The following ZC3H3 variants were observed in gnomAD, a reference collection of about 807,000 sequenced individuals.
ZC3H3 encodes the protein zinc finger CCCH-type containing 3, also known as zinc finger CCCH domain-containing protein 3.
In ZC3H3, 36 loss-of-function variants were observed where a neutral mutation model predicts 77.3. The observed-to-expected ratio is 0.47, with a 90% CI of 0.36 to 0.61. The LOEUF (loss-of-function observed/expected upper bound fraction) is 0.61. Among genes scored for constraint, ZC3H3 ranks in the 20% least tolerant of loss-of-function variants. The pLI is 0.00. For synonymous variants in ZC3H3, 626 were observed against 555.2 expected (o/e 1.13, Z -1.79); for missense variants, 1,331 against 1,312.2 (o/e 1.01, Z -0.22).
Position 143,494,146 on chromosome 8 carries a change from G to A in ZC3H3, c.1715+13600C>T, listed in dbSNP as rs1040418778. Among the ~76,000 whole-genome samples the A allele has an allele frequency of 3.5e-4, 54 of 152,198 alleles. No individual in the cohort carries two copies. The highest frequency in any genetic ancestry group is 1.2e-3 in the African/African-American group (51 of 41,440). On this transcript the variant is annotated intron_variant, in intron 4 of 11. Transcript: ENST00000262577. This position sits in a 1 kb window ranked among gnomAD's most constrained non-coding sequence, Gnocchi z 5.3. ...CCACAGGCCTCCCCAGGGCCAGGATGGGCCCCAAGACCCCACAGGCTGACC... is the reference window on the plus strand; with the variant it reads ...CCACAGGCCTCCCCAGGGCCAGGATAGGCCCCAAGACCCCACAGGCTGACC...
Position 143,523,330 on chromosome 8 carries a change from C to T in ZC3H3, c.1561+12927G>A, listed in dbSNP as rs139018406. ...AAACCAAGCTCACCTGCAGCGCCAG[C>T]GGCTCAGAGCCAGATGGGGGTCCCA... On this transcript the variant is annotated intron_variant, in intron 3 of 11. Transcript: ENST00000262577. 559 of 985,416 alleles carry T rather than the reference C, an allele frequency of 5.7e-4. 1 individual carries two copies. The African/African-American group carries it at 7.5e-3, about 13-fold the overall frequency. The allele number at this position is 985,416 out of a possible 1,614,324, so 61.0% of individuals were successfully genotyped here. A position where few individuals can be genotyped will look rare whatever the true frequency, so the allele number is the denominator to read the frequency against.
rs530690792 is a variant in ZC3H3, at chr8:143,467,632, C to A, written c.2175+577G>T. 8.3e-4 allele frequency among the ~76,000 whole-genome samples: 127 copies of A among 152,340 alleles called. 1 individual carries two copies. Among genetic ancestry groups the A allele is most frequent in the African/African-American group, 3.0e-3 (125 of 41,574 alleles). On this transcript the variant is annotated intron_variant, in intron 8 of 11. Coordinates refer to ENST00000262577, the MANE Select transcript of ZC3H3 (RefSeq NM_015117.3). ...CTGAGTCCGGGGCACAGGAGCTACA[C>A]ATGTCCCCCCCAGCCCCAGGGCTCT...
chr8:143,475,696 A>T, intron 4 of ZC3H3, 111 bp from the exon 5 acceptor site: 1 of 1,289,056 alleles, frequency 7.8e-7, no homozygotes, highest in Non-Finnish European at 1.0e-6. Flanking sequence ...GACAGGGAGC[A>T]GCACTTGCGG....
At chr8:143,438,806 AG>A (rs940723324) in intron 11 of ZC3H3, among the ~76,000 whole-genome samples, 1 of 152,140 alleles carries the variant, frequency 6.6e-6, no homozygotes, top group African/African-American at 2.4e-5. Context: ...GCCCCTCTTC[AG>A]GGCCGATGAG....
intron 4 of ZC3H3, among the ~76,000 whole-genome samples, chr8:143,486,698 C>G (rs1466262025): frequency 1.3e-5 from 2 of 152,000 alleles, no homozygotes. Context: ...CAAAACAGCA[C>G]CTGCTCCACA....
At chr8:143,529,329 T>C (rs578197446) in intron 3 of ZC3H3, among the ~76,000 whole-genome samples, 183 of 152,248 alleles carry the variant, frequency 1.2e-3, no homozygotes, top group African/African-American at 4.3e-3. Flanking sequence ...CCCATAAGCA[T>C]CTGTGGCCAA....
At chr8:143,463,109 G>C (rs1399146824) in intron 9 of ZC3H3, among the ~76,000 whole-genome samples, 1 of 151,664 alleles carries the variant, frequency 6.6e-6, no homozygotes, top group Non-Finnish European at 1.5e-5. Context: ...TCAGCCTCCC[G>C]AGTAGCTGGG....
intron 4 of ZC3H3, among the ~76,000 whole-genome samples, chr8:143,497,333 C>A (rs1230003314): frequency 6.6e-6 from 1 of 152,200 alleles, no homozygotes; most frequent in African/African-American, 2.4e-5. Context: ...CATCAAGCAG[C>A]ACCGCCTTCC....
Position 143,462,630 on chromosome 8 carries a change from G to A in ZC3H3, c.2307+3087C>T, listed in dbSNP as rs924897969. 6.6e-6 allele frequency among the ~76,000 whole-genome samples: 1 copy of A among 152,248 alleles called. No homozygotes were observed. The highest frequency in any genetic ancestry group is 6.5e-5 in the Admixed American group (1 of 15,286). The stretch of plus-strand genomic sequence containing the variant: ...GGAGCTGAAACCCAAGGCTCAGCCA[G>A]GGCCTTCCCTCTCCCGACAGCTCCC... On this transcript the variant is annotated intron_variant, in intron 9 of 11. Coordinates refer to ENST00000262577, the MANE Select transcript of ZC3H3 (RefSeq NM_015117.3). This position sits in a 1 kb window ranked among gnomAD's most constrained non-coding sequence, Gnocchi z 4.7.
rs1471227965 is a variant in ZC3H3 at position 143,533,109 on chromosome 8, C to T, written c.1561+3148G>A. Among the ~76,000 whole-genome samples the T allele has an allele frequency of 6.6e-6, 1 of 152,184 alleles. No homozygotes were observed. The highest frequency in any genetic ancestry group is 1.5e-5 in the Non-Finnish European group (1 of 68,042). ...GCCCCTCCCAGGGTCCTCCCCTGTC[C>T]CTCCCTGGCTTCCCAACGTAACCAG... On this transcript the variant is annotated intron_variant, in intron 3 of 11. Transcript: ENST00000262577. This position sits in a 1 kb window ranked among gnomAD's most constrained non-coding sequence, Gnocchi z 4.0.
Position 143,440,344 on chromosome 8 carries a change from G to T in ZC3H3, c.2512C>A (p.Arg838Ser). 1 of 1,529,540 alleles carries T rather than the reference G, an allele frequency of 6.5e-7. No homozygotes were observed. 94.7% of individuals were successfully genotyped at this position (1,529,540 alleles called of 1,614,324 possible). ...HGPRKPSASQ[R>S]PTRQTPSSAA... ...GAGCTGGGCGTCTGCCTGGTGGGGC[G>T]CTGGGATGCTGAAGGCTTCCTGCAG... Residue 838 changes from arginine to serine, a missense_variant, in exon 11 of 12, where the codon CGC becomes AGC. By Grantham distance (110) the Arg-to-Ser change is moderately radical. Transcript: ENST00000262577.
chr8:143,531,380 C>A (rs1586964854), intron 3 of ZC3H3, among the ~76,000 whole-genome samples: 2 of 152,228 alleles, frequency 1.3e-5, no homozygotes, highest in Admixed American at 6.5e-5. Context: ...GAATCCCCTG[C>A]CCCGCCCCCA....
At chr8:143,508,372 G>A (rs1821771989) in intron 3 of ZC3H3, among the ~76,000 whole-genome samples, 1 of 152,220 alleles carries the variant, frequency 6.6e-6, no homozygotes, top group Non-Finnish European at 1.5e-5. Flanking sequence ...CACAGGGGAG[G>A]GGCGCTGGAG....
Position 143,468,379 on chromosome 8 carries a change from C to T in ZC3H3, c.2105+3G>A, listed in dbSNP as rs767461583. On this transcript the variant is annotated splice_donor_region_variant and intron_variant, in intron 7 of 11. Coordinates refer to ENST00000262577, the MANE Select transcript of ZC3H3 (RefSeq NM_015117.3). ...CAGGCCCACAGCGAGGGCAGGAGGGCACCTGGTGCACACGGCCACCTTCTC... is the reference window on the plus strand; with the variant it reads ...CAGGCCCACAGCGAGGGCAGGAGGGTACCTGGTGCACACGGCCACCTTCTC... The T allele has an allele frequency of 1.2e-6, 2 of 1,612,574 alleles. No homozygotes were observed. The highest frequency in any genetic ancestry group is 2.2e-5 in the South Asian group (2 of 90,976).
chr8:143,500,331 C>T (rs1160910670), intron 4 of ZC3H3, among the ~76,000 whole-genome samples: 1 of 152,204 alleles, frequency 6.6e-6, no homozygotes, highest in Non-Finnish European at 1.5e-5. Context: ...CATCCAGTGC[C>T]GGGCACTCAA....
chr8:143,529,715 G>T (rs1218858263), intron 3 of ZC3H3, among the ~76,000 whole-genome samples: 1 of 152,210 alleles, frequency 6.6e-6, no homozygotes, highest in East Asian at 1.9e-4. Context: ...TGTGCCTGAG[G>T]GACCCCAGCC....
At chr8:143,491,155 G>T (rs749856673) in intron 4 of ZC3H3, among the ~76,000 whole-genome samples, 1 of 152,154 alleles carries the variant, frequency 6.6e-6, no homozygotes, top group Admixed American at 6.5e-5. Context: ...GGGCAGGAGG[G>T]CCCAGGCACA....
At chr8:143,478,657 G>C (rs911934218) in intron 4 of ZC3H3, among the ~76,000 whole-genome samples, 3 of 152,208 alleles carry the variant, frequency 2.0e-5, no homozygotes, top group Admixed American at 1.3e-4. Context: ...TTACAGGCAT[G>C]TGCCAACACG....
At position 143,538,447 on chromosome 8, in the gene ZC3H3, C is replaced by T. The variant is rs369147957; in HGVS notation, c.920G>A (p.Arg307Gln). 7 of 1,613,158 alleles carry T rather than the reference C, an allele frequency of 4.3e-6. No individual in the cohort carries two copies. Among genetic ancestry groups the T allele is most frequent in the East Asian group, 2.2e-5 (1 of 44,892 alleles). Residue 307 changes from arginine (R) to glutamine (Q), a missense_variant, in exon 2 of 12, where the codon CGG becomes CAG. Around this residue, in one of 3 missense-constraint regions of ZC3H3, gnomAD observed 978 missense variants for 915.5 expected, o/e 1.07. Transcript: ENST00000262577. ...AGCCACCCATTTGTAGTTGTTTTTC[C>T]GGAACTTGTTAGTTCGACAGGTCAC... Reference protein sequence around the residue: ...LVVTCRTNKFRKNNYKWVAAS... With the variant: ...LVVTCRTNKFQKNNYKWVAAS...
Sources: gnomAD v4.1 joint callset for allele counts (sites outside exome capture counted in the v4.1 genomes callset) on GRCh38, gnomAD v4.1.1 for gene constraint, gnomAD v4.1.1 regional missense constraint, Gnocchi (gnomAD v3.1) non-coding constraint, MANE v1.5 for transcripts, NCBI Gene and HGNC (gene_info 2026-07-23, HGNC 2026-07-21) for gene names.